Variants in SEPTIN9 observed in about 807,000 individuals in gnomAD.
SEPTIN9 encodes septin 9, also known as septin-9.
Under a neutral mutation model 56.6 loss-of-function variants are expected in SEPTIN9, and 13 were observed. The observed-to-expected ratio is 0.23, with a 90% CI of 0.15 to 0.37. SEPTIN9 has a LOEUF of 0.37. Among genes scored for constraint, SEPTIN9 ranks in the 10% least tolerant of loss-of-function variants. The pLI, the probability that SEPTIN9 is intolerant of heterozygous loss-of-function variation, is 1.00. For missense variants in SEPTIN9, 650 were observed against 823.1 expected, an observed-to-expected ratio of 0.79 and a Z score of 2.57; for synonymous variants, 332 against 334.1, an observed-to-expected ratio of 0.99 and a Z score of 0.07.
rs1034315133 is a variant in SEPTIN9 at position 77,434,546 on chromosome 17, T to C, written c.721+31843T>C. Among the ~76,000 whole-genome samples the C allele has an allele frequency of 6.6e-6, 1 of 152,132 alleles. No homozygotes were observed. Among genetic ancestry groups the C allele is most frequent in the Non-Finnish European group, 1.5e-5 (1 of 68,022 alleles). The stretch of plus-strand genomic sequence containing the variant: ...TGGCAGCCAGGGTGGCAGAGTCCCA[T>C]TGGCCTGCAGGGGACCCTCTGTGGG... On this transcript the variant is annotated intron_variant, in intron 3 of 11. Transcript: ENST00000427177. This position sits in a 1 kb window ranked among gnomAD's most constrained non-coding sequence, Gnocchi z 5.0.
intron 2 of SEPTIN9, among the ~76,000 whole-genome samples, chr17:77,349,042 C>CA (rs1171491127): frequency 2.0e-5 from 3 of 152,114 alleles, no homozygotes; most frequent in African/African-American, 7.2e-5. Context: ...AGCTAATTCC[C>CA]TTTCATTTTC....
chr17:77,378,012 G>C (rs1320789229), intron 2 of SEPTIN9, among the ~76,000 whole-genome samples: 1 of 152,162 alleles, frequency 6.6e-6, no homozygotes, highest in Non-Finnish European at 1.5e-5. Flanking sequence ...CAGACCCACT[G>C]TCCCGACTAC....
chr17:77,479,544 A>G (rs1300896589), intron 3 of SEPTIN9, among the ~76,000 whole-genome samples: 1 of 152,212 alleles, frequency 6.6e-6, no homozygotes, highest in East Asian at 1.9e-4. Context: ...TCAATGGCAA[A>G]GATGGGGCTC....
chr17:77,497,625 G>T, intron 11 of SEPTIN9: 1 of 570,606 alleles, frequency 1.8e-6, no homozygotes, highest in East Asian at 3.0e-5. Context: ...GATCCACTGT[G>T]GTCTGGCCCG....
rs1226135538 is a variant in SEPTIN9 at position 77,420,745 on chromosome 17, AC to A, written c.721+18043del. On this transcript the variant is annotated intron_variant, in intron 3 of 11. Coordinates refer to ENST00000427177, the MANE Select transcript of SEPTIN9 (RefSeq NM_001113491.2). Reference sequence around the variant, plus strand: ...CCTTCCCTCTGGGATTGTGAATGAGACGACTTTCCTGGTCCTTCTGGGTCTA... The same window carrying A: ...CCTTCCCTCTGGGATTGTGAATGAGAGACTTTCCTGGTCCTTCTGGGTCTA... Among the ~76,000 whole-genome samples, 2 of 151,994 alleles carry A rather than the reference AC, an allele frequency of 1.3e-5. 1 individual carries two copies.
intron 2 of SEPTIN9, among the ~76,000 whole-genome samples, chr17:77,358,943 A>G (rs1333939532): frequency 1.3e-5 from 2 of 152,148 alleles, no homozygotes; most frequent in East Asian, 1.9e-4. Flanking sequence ...GGGGCCCAGG[A>G]CAGCCCGGAC....
At chr17:77,311,675 G>A (rs1009431572) in intron 2 of SEPTIN9, among the ~76,000 whole-genome samples, 1 of 152,178 alleles carries the variant, frequency 6.6e-6, no homozygotes, top group Admixed American at 6.5e-5. Flanking sequence ...CCAGAAGGGT[G>A]GGGCCTGTGC....
At chr17:77,431,177 C>T (rs938846290) in intron 3 of SEPTIN9, among the ~76,000 whole-genome samples, 2 of 152,042 alleles carry the variant, frequency 1.3e-5, no homozygotes, top group Admixed American at 1.3e-4. Flanking sequence ...GGGGTAGTGG[C>T]GCTTGCCTGT....
intron 2 of SEPTIN9, among the ~76,000 whole-genome samples, chr17:77,357,957 A>G (rs1255634820): frequency 6.6e-6 from 1 of 152,184 alleles, no homozygotes; most frequent in South Asian, 2.1e-4. Context: ...TTTCATTCCT[A>G]TGAAACGAGG....
Position 77,310,207 on chromosome 17 carries a change from C to G in SEPTIN9, c.76+3010C>G, listed in dbSNP as rs2032436921. Reference sequence around the variant, plus strand: ...ATGTTGGTCAGGCTGGTCTCATACCCCTGACCTCAGGTGATCCACCTGCCT... The same window carrying G: ...ATGTTGGTCAGGCTGGTCTCATACCGCTGACCTCAGGTGATCCACCTGCCT... On this transcript the variant is annotated intron_variant, in intron 2 of 11. Coordinates refer to ENST00000427177, the MANE Select transcript of SEPTIN9 (RefSeq NM_001113491.2). This position sits in a 1 kb window ranked among gnomAD's most constrained non-coding sequence, Gnocchi z 4.7. Among the ~76,000 whole-genome samples the G allele has an allele frequency of 1.3e-5, 2 of 152,280 alleles. No homozygotes were observed. The highest frequency in any genetic ancestry group is 3.4e-3 in the Middle Eastern group (1 of 294).
At position 77,499,898 on chromosome 17, in the gene SEPTIN9, CA is replaced by C. The variant is rs1345317111; in HGVS notation, c.*1241del. 2 of 274,888 alleles carry C rather than the reference CA, an allele frequency of 7.3e-6. No homozygotes were observed. Among genetic ancestry groups the C allele is most frequent in the Non-Finnish European group, 1.4e-5 (2 of 142,802 alleles). 17.0% of individuals were successfully genotyped at this position (274,888 alleles called of 1,614,324 possible). A position where few individuals can be genotyped will look rare whatever the true frequency, so the allele number is the denominator to read the frequency against. On this transcript the variant is annotated 3_prime_UTR_variant, in exon 12 of 12. Coordinates refer to ENST00000427177, the MANE Select transcript of SEPTIN9 (RefSeq NM_001113491.2). ...CCCCTAGAAAGGAGAGAACGGGCGT[CA>C]GGGGTGCACAGTCCACAGCTGAAGA... is the stretch of plus-strand genomic sequence containing the variant.
chr17:77,470,042 C>G (rs1371895568), intron 3 of SEPTIN9, among the ~76,000 whole-genome samples: 1 of 150,628 alleles, frequency 6.6e-6, no homozygotes, highest in Non-Finnish European at 1.5e-5. Flanking sequence ...CACTCATTCA[C>G]TCATTCACTC....
intron 2 of SEPTIN9, among the ~76,000 whole-genome samples, chr17:77,350,610 A>AGTGTGTATGT (rs2034025918): frequency 6.7e-6 from 1 of 149,396 alleles, no homozygotes; most frequent in Non-Finnish European, 1.5e-5. Flanking sequence ...CCTCCAGTGC[A>AGTGTGTATGT]GTGTGTGTGT....
chr17:77,344,858 G>A (rs2033838392), intron 2 of SEPTIN9, among the ~76,000 whole-genome samples: 1 of 151,060 alleles, frequency 6.6e-6, no homozygotes, highest in South Asian at 2.1e-4. Flanking sequence ...TGTAATCCCA[G>A]CTACTAGGGA....
chr17:77,396,379 G>T lies in SEPTIN9; in HGVS notation c.77-5680G>T, dbSNP rs150992134. Among the ~76,000 whole-genome samples, 17 of 152,350 alleles carry T rather than the reference G, an allele frequency of 1.1e-4. 2 individuals carry two copies. The East Asian group carries it at 3.1e-3, about 28-fold the overall frequency. Reference sequence around the variant, plus strand: ...CCAGTTGGGCCTGTGGATCTGTGCAGTCACGTACGGGGTTCTAAAATCTGC... The same window carrying T: ...CCAGTTGGGCCTGTGGATCTGTGCATTCACGTACGGGGTTCTAAAATCTGC... On this transcript the variant is annotated intron_variant, in intron 2 of 11. Coordinates refer to ENST00000427177, the MANE Select transcript of SEPTIN9 (RefSeq NM_001113491.2).
At chr17:77,495,974 C>G (rs1452387923) in intron 10 of SEPTIN9, among the ~76,000 whole-genome samples, 1 of 152,194 alleles carries the variant, frequency 6.6e-6, no homozygotes, top group African/African-American at 2.4e-5. Flanking sequence ...GGAGCTGAGA[C>G]AGACACAGTT....
rs1426150999 is a variant in SEPTIN9, at chr17:77,475,964, G to T, written c.722-6180G>T. The T allele has an allele frequency of 2.0e-6, 3 of 1,526,500 alleles. No homozygotes were observed. The highest frequency in any genetic ancestry group is 2.7e-6 in the Non-Finnish European group (3 of 1,120,106). The allele number at this position is 1,526,500 out of a possible 1,614,324, so 94.6% of individuals were successfully genotyped here. A position where few individuals can be genotyped will look rare whatever the true frequency, so the allele number is the denominator to read the frequency against. Reference sequence around the variant, plus strand: ...GAGAGCCAGGTGTGGGTTGGGTTTGGGGAAGACAGGGGAATGGCATTGACT... The same window carrying T: ...GAGAGCCAGGTGTGGGTTGGGTTTGTGGAAGACAGGGGAATGGCATTGACT... On this transcript the variant is annotated intron_variant, in intron 3 of 11. Transcript: ENST00000427177. This position sits in a 1 kb window ranked among gnomAD's most constrained non-coding sequence, Gnocchi z 4.6.
chr17:77,443,116 T>C (rs1018194894), intron 3 of SEPTIN9, among the ~76,000 whole-genome samples: 1 of 152,130 alleles, frequency 6.6e-6, no homozygotes, highest in African/African-American at 2.4e-5. Flanking sequence ...TATTATGGGC[T>C]GGGTGCAATG....
chr17:77,382,867 C>T (rs1339828252), intron 2 of SEPTIN9, among the ~76,000 whole-genome samples: 1 of 152,044 alleles, frequency 6.6e-6, no homozygotes. Flanking sequence ...CGGGGTCCCT[C>T]CCTAGCCCCG....
Sources: allele counts gnomAD v4.1 joint callset (sites outside exome capture counted in the v4.1 genomes callset), GRCh38; gene constraint gnomAD v4.1.1; non-coding constraint Gnocchi (gnomAD v3.1); transcripts MANE v1.5; gene names NCBI Gene and HGNC (gene_info 2026-07-23, HGNC 2026-07-21).